SPRED2: variants seen among roughly 807,000 people sequenced by gnomAD.
The protein encoded by SPRED2 is sprouty related EVH1 domain containing 2, also known as sprouty-related, EVH1 domain-containing protein 2.
SPRED2 carries 47 observed loss-of-function variants against 43.0 expected under a neutral mutation model. The ratio of observed to expected loss-of-function variants is 1.09; its 90% CI spans 0.87 to 1.40. SPRED2 has a LOEUF of 1.40. SPRED2 is among the 40% of genes most tolerant of loss of function. The pLI is 0.00. For synonymous variants in SPRED2, 225 were observed against 225.7 expected (o/e 1.00, Z 0.03); for missense variants, 561 against 586.4 (o/e 0.96, Z 0.45).
At chr2:65,390,207 T>G (rs1675598418) in intron 1 of SPRED2, among the ~76,000 whole-genome samples, 2 of 152,124 alleles carry the variant, frequency 1.3e-5, no homozygotes, top group African/African-American at 4.8e-5. Flanking sequence ...AAAGGAGAAG[T>G]GTTTCCAGAA....
At chr2:65,390,948 T>C (rs1675619956) in intron 1 of SPRED2, among the ~76,000 whole-genome samples, 1 of 151,648 alleles carries the variant, frequency 6.6e-6, no homozygotes, top group African/African-American at 2.4e-5. Context: ...ATTAGCTGGG[T>C]GTGGGGGTGC....
intron 1 of SPRED2, among the ~76,000 whole-genome samples, chr2:65,381,210 A>C (rs1020446309): frequency 1.3e-5 from 2 of 152,214 alleles, no homozygotes; most frequent in East Asian, 3.9e-4. Context: ...CTCGTAGCTC[A>C]GCTGGTTTGG....
chr2:65,432,215 T>A lies in SPRED2; in HGVS notation c.-228A>T, dbSNP rs995886599. Reference sequence around the variant, plus strand: ...GCGGGGAGTGAACGCCGCAGCGCCGTGGGGAGAGGCGGGCGGAGGCTCCGG... The same window carrying A: ...GCGGGGAGTGAACGCCGCAGCGCCGAGGGGAGAGGCGGGCGGAGGCTCCGG... On this transcript the variant is annotated 5_prime_UTR_variant, in exon 1 of 6. Coordinates refer to ENST00000356388, the MANE Select transcript of SPRED2 (RefSeq NM_181784.3). 4.0e-5 allele frequency: 21 copies of A among 530,654 alleles called. 1 individual carries two copies. 32.9% of individuals were successfully genotyped at this position (530,654 alleles called of 1,614,324 possible).
At chr2:65,341,131 A>G (rs942272578) in intron 2 of SPRED2, among the ~76,000 whole-genome samples, 3 of 112,924 alleles carry the variant, frequency 2.7e-5, no homozygotes, top group Admixed American at 9.3e-5. Context: ...GTGTGTGTGC[A>G]TGTGCATGAG....
chr2:65,353,412 G>A (rs1011476693), intron 1 of SPRED2, among the ~76,000 whole-genome samples: 1 of 152,136 alleles, frequency 6.6e-6, no homozygotes, highest in South Asian at 2.1e-4. Context: ...TATTAAAAGA[G>A]GCCGTTTCCT....
chr2:65,401,937 G>GCGCGCACGCACACACACA (rs776512353), intron 1 of SPRED2, among the ~76,000 whole-genome samples: 53 of 114,762 alleles, frequency 4.6e-4, no homozygotes, highest in African/African-American at 1.7e-3. Context: ...GCGCGCGCGC[G>GCGCGCACGCACACACACA]CACACACACA....
At chr2:65,370,289 C>G (rs1472936193) in intron 1 of SPRED2, among the ~76,000 whole-genome samples, 1 of 151,734 alleles carries the variant, frequency 6.6e-6, no homozygotes, top group African/African-American at 2.4e-5. Flanking sequence ...AGCATAGAGC[C>G]TGGCCACATA....
intron 4 of SPRED2, among the ~76,000 whole-genome samples, chr2:65,322,078 A>G (rs147807580): frequency 1.7e-3 from 263 of 151,794 alleles, no homozygotes; most frequent in Middle Eastern, 0.01. Context: ...CCTGGCCTAA[A>G]AATTTCTATT....
At chr2:65,413,397 C>A (rs1676205576) in intron 1 of SPRED2, among the ~76,000 whole-genome samples, 1 of 152,216 alleles carries the variant, frequency 6.6e-6, no homozygotes, top group South Asian at 2.1e-4. Flanking sequence ...CATCTCATTT[C>A]TGGGTTCCCA....
chr2:65,308,204 G>A (rs920609290), downstream of SPRED2: 4 of 676,926 alleles, frequency 5.9e-6, no homozygotes, highest in African/African-American at 7.8e-5. Context: ...AGAGAAGCGG[G>A]GTGGGAGGTT....
chr2:65,337,343 A>T (rs1432198923), intron 2 of SPRED2, among the ~76,000 whole-genome samples: 1 of 152,214 alleles, frequency 6.6e-6, no homozygotes, highest in Non-Finnish European at 1.5e-5. Context: ...GAAAGGCTTT[A>T]AAAAATACCC....
rs1031804231 is a variant in SPRED2 at position 65,310,983 on chromosome 2, C to T, written c.*2518G>A. On this transcript the variant is annotated 3_prime_UTR_variant, in exon 6 of 6. Coordinates refer to ENST00000356388, the MANE Select transcript of SPRED2 (RefSeq NM_181784.3). ...TACACTTGTATATATATTTTTTACA[C>T]AGAGGTAAAAAGGCTTATTATAAAA... The T allele has an allele frequency of 1.0e-6, 1 of 982,078 alleles. No individual in the cohort carries two copies. The highest frequency in any genetic ancestry group is 1.8e-5 in the African/African-American group (1 of 57,084). The allele number at this position is 982,078 out of a possible 1,614,324, so 60.8% of individuals were successfully genotyped here.
intron 1 of SPRED2, among the ~76,000 whole-genome samples, chr2:65,420,619 G>C (rs535655853): frequency 1.3e-4 from 20 of 152,280 alleles, no homozygotes; most frequent in Non-Finnish European, 1.5e-5. Context: ...AAACTATTAT[G>C]TTAAAGTGTT....
At position 65,351,162 on chromosome 2, in the gene SPRED2, G is replaced by T. The variant is rs1346421954; in HGVS notation, c.27-6266C>A. 3.3e-5 allele frequency among the ~76,000 whole-genome samples: 5 copies of T among 152,276 alleles called. No individual in the cohort carries two copies. The East Asian group carries it at 7.7e-4, about 24-fold the overall frequency. On this transcript the variant is annotated intron_variant, in intron 1 of 5. Transcript: ENST00000356388. ...TTTCCAGCTATCAGAGAGTGGAGGGGCAGGGAAGCTGTCAGGCTCTTGACA... is the reference window on the plus strand; with the variant it reads ...TTTCCAGCTATCAGAGAGTGGAGGGTCAGGGAAGCTGTCAGGCTCTTGACA...
intron 1 of SPRED2, among the ~76,000 whole-genome samples, chr2:65,352,890 C>T (rs961471875): frequency 2.6e-5 from 4 of 152,226 alleles, no homozygotes; most frequent in Non-Finnish European, 5.9e-5. Flanking sequence ...TCCCAAAGTG[C>T]TGGGATTACA....
At chr2:65,394,554 C>T (rs1020117591) in intron 1 of SPRED2, among the ~76,000 whole-genome samples, 12 of 152,196 alleles carry the variant, frequency 7.9e-5, no homozygotes, top group African/African-American at 1.7e-4. Flanking sequence ...CAACATTCAT[C>T]GGACCACTGG....
chr2:65,431,741 C>T (rs902873901), intron 1 of SPRED2, among the ~76,000 whole-genome samples: 2 of 152,168 alleles, frequency 1.3e-5, no homozygotes, highest in African/African-American at 2.4e-5. Flanking sequence ...GAGCTGCCAC[C>T]AGCCCGCCGA....
chr2:65,380,246 G>C (rs1427531689), intron 1 of SPRED2, among the ~76,000 whole-genome samples: 1 of 152,168 alleles, frequency 6.6e-6, no homozygotes. Flanking sequence ...CCAAAGACAA[G>C]GTCGACTCAG....
chr2:65,337,966 T>G (rs920038722), intron 2 of SPRED2, among the ~76,000 whole-genome samples: 2 of 152,246 alleles, frequency 1.3e-5, no homozygotes, highest in Non-Finnish European at 1.5e-5. Context: ...ATGTAGTTTT[T>G]TTATATTAAT....
Sources: allele counts gnomAD v4.1 joint callset (sites outside exome capture counted in the v4.1 genomes callset), GRCh38; gene constraint gnomAD v4.1.1; transcripts MANE v1.5; gene names NCBI Gene and HGNC (gene_info 2026-07-23, HGNC 2026-07-21).